Variants in CHCHD6 observed in about 807,000 individuals in gnomAD.
CHCHD6 encodes the protein coiled-coil-helix-coiled-coil-helix domain containing 6, also known as MICOS complex subunit MIC25.
A neutral mutation model predicts 32.3 loss-of-function variants in CHCHD6; 28 were observed. The ratio of observed to expected loss-of-function variants is 0.87; its 90% confidence interval spans 0.64 to 1.19. CHCHD6 has a LOEUF of 1.19. CHCHD6 is among the 50% of genes most tolerant of loss of function. CHCHD6 has a pLI of 0.00. For synonymous variants in CHCHD6, 122 were observed against 117.5 expected (o/e 1.04, Z -0.25); for missense variants, 333 against 307.0 (o/e 1.08, Z -0.63).
At chr3:126,805,524 A>G (rs1026954318) in intron 4 of CHCHD6, among the ~76,000 whole-genome samples, 1 of 152,182 alleles carries the variant, frequency 6.6e-6, no homozygotes, top group African/African-American at 2.4e-5. Flanking sequence ...AAGGAGAACT[A>G]CAAACCACTG....
chr3:126,819,534 G>A (rs1279719154), intron 4 of CHCHD6, among the ~76,000 whole-genome samples: 2 of 152,168 alleles, frequency 1.3e-5, no homozygotes, highest in East Asian at 1.9e-4. Context: ...GCGTCAGACC[G>A]TAGTTCATAG....
intron 4 of CHCHD6, among the ~76,000 whole-genome samples, chr3:126,760,940 C>T (rs777626172): frequency 2.0e-5 from 3 of 152,166 alleles, no homozygotes; most frequent in Non-Finnish European, 4.4e-5. Context: ...CTCAAGTGAT[C>T]CTCCTGCCTC....
intron 5 of CHCHD6, among the ~76,000 whole-genome samples, chr3:126,854,088 G>A (rs1415844492): frequency 6.6e-6 from 1 of 152,142 alleles, no homozygotes; most frequent in Non-Finnish European, 1.5e-5. Context: ...TCTAAAATCT[G>A]TTTTCCTCTT....
At chr3:126,952,976 T>TGTGG (rs971621667) in intron 6 of CHCHD6, 1 of 985,312 alleles carries the variant, frequency 1.0e-6, no homozygotes, top group African/African-American at 1.7e-5. Flanking sequence ...GGAGGCTGGA[T>TGTGG]GTGGGGTCTT....
chr3:126,767,035 G>A, intron 4 of CHCHD6: 1 of 908,476 alleles, frequency 1.1e-6, no homozygotes, highest in Non-Finnish European at 1.8e-6. Flanking sequence ...CTGCCTCAAT[G>A]AAGATGGTCA....
chr3:126,744,908 T>C (rs534829604), intron 4 of CHCHD6, among the ~76,000 whole-genome samples: 29 of 152,312 alleles, frequency 1.9e-4, no homozygotes, highest in African/African-American at 7.0e-4. Context: ...GGCTGGGACC[T>C]CCTGTCTTTT....
At chr3:126,847,574 C>G (rs1383737000) in intron 4 of CHCHD6, among the ~76,000 whole-genome samples, 1 of 152,184 alleles carries the variant, frequency 6.6e-6, no homozygotes, top group Non-Finnish European at 1.5e-5. Flanking sequence ...GTCTCAAGTT[C>G]CAGCCTACAC....
At chr3:126,827,956 G>A (rs181088875) in intron 4 of CHCHD6, among the ~76,000 whole-genome samples, 11 of 152,192 alleles carry the variant, frequency 7.2e-5, no homozygotes, top group African/African-American at 2.6e-4. Context: ...TCTCCTCCCT[G>A]TGCCCCTCTG....
chr3:126,867,432 G>A (rs1302955551), intron 5 of CHCHD6, among the ~76,000 whole-genome samples: 1 of 152,206 alleles, frequency 6.6e-6, no homozygotes, highest in Non-Finnish European at 1.5e-5. Context: ...CAGCTAAATA[G>A]GTACTTACGG....
At chr3:126,900,362 C>G (rs1011068415) in intron 5 of CHCHD6, among the ~76,000 whole-genome samples, 1 of 152,184 alleles carries the variant, frequency 6.6e-6, no homozygotes, top group Non-Finnish European at 1.5e-5. Flanking sequence ...AGTCACTCAG[C>G]TTTCTGCGTT....
chr3:126,954,711 G>T (rs988880229), intron 6 of CHCHD6, among the ~76,000 whole-genome samples: 2 of 152,028 alleles, frequency 1.3e-5, no homozygotes, highest in Non-Finnish European at 2.9e-5. Context: ...GGCAGGGTGG[G>T]GTCCTGCTTC....
chr3:126,712,231 G>A (rs1008661799), intron 1 of CHCHD6, among the ~76,000 whole-genome samples: 3 of 152,166 alleles, frequency 2.0e-5, no homozygotes, highest in Non-Finnish European at 4.4e-5. Flanking sequence ...TGTACTTTAG[G>A]TGCAGAAGGA....
At chr3:126,858,224 C>G (rs1156566840) in intron 5 of CHCHD6, among the ~76,000 whole-genome samples, 3 of 145,734 alleles carry the variant, frequency 2.1e-5, no homozygotes, top group East Asian at 4.2e-4. Flanking sequence ...CACAGCACAT[C>G]TATGGTGTTA....
At chr3:126,819,366 C>T (rs1424493120) in intron 4 of CHCHD6, among the ~76,000 whole-genome samples, 1 of 152,138 alleles carries the variant, frequency 6.6e-6, no homozygotes, top group Admixed American at 6.6e-5. Flanking sequence ...GAGTGCCTTG[C>T]CAGCCAGGTT....
At chr3:126,923,667 C>T (rs116771123) in intron 6 of CHCHD6, among the ~76,000 whole-genome samples, 1,810 of 152,344 alleles carry the variant, frequency 0.012, 19 homozygotes, top group Middle Eastern at 0.048. Context: ...AGCAGTGCTA[C>T]CTGACGTGTG....
intron 6 of CHCHD6, among the ~76,000 whole-genome samples, chr3:126,947,164 G>A (rs4679309): frequency 0.57 from 87,384 of 152,112 alleles, 26,572 homozygotes; most frequent in Non-Finnish European, 0.68. Context: ...CGATGTGTGC[G>A]CCCAAGATGG....
chr3:126,896,680 T>G (rs1260179955), intron 5 of CHCHD6, among the ~76,000 whole-genome samples: 1 of 152,216 alleles, frequency 6.6e-6, no homozygotes, highest in Admixed American at 6.5e-5. Flanking sequence ...TGCTGCCCTG[T>G]GATCAGATCA....
intron 4 of CHCHD6, among the ~76,000 whole-genome samples, chr3:126,833,474 C>A (rs1421077526): frequency 6.6e-6 from 1 of 152,204 alleles, no homozygotes; most frequent in African/African-American, 2.4e-5. Context: ...TTGTTAGAAT[C>A]ATTCACACAG....
intron 4 of CHCHD6, among the ~76,000 whole-genome samples, chr3:126,738,384 T>G (rs745833702): frequency 6.6e-6 from 1 of 152,208 alleles, no homozygotes; most frequent in Non-Finnish European, 1.5e-5. Flanking sequence ...ATCATGACTT[T>G]AAGATGTTCA....
Sources: allele counts gnomAD v4.1 joint callset (sites outside exome capture counted in the v4.1 genomes callset), GRCh38; gene constraint gnomAD v4.1.1; transcripts MANE v1.5; gene names NCBI Gene and HGNC (gene_info 2026-07-23, HGNC 2026-07-21).